Variants in DOLPP1 observed in about 807,000 individuals in gnomAD.
The protein encoded by DOLPP1 is dolichyl pyrophosphate phosphatase 1.
A neutral mutation model predicts 34.1 loss-of-function variants in DOLPP1; 15 were observed. The ratio of observed to expected loss-of-function variants is 0.44; its 90% CI spans 0.29 to 0.68. DOLPP1 has a LOEUF of 0.68. Ranked by LOEUF, DOLPP1 falls within the 30% of genes least tolerant of loss-of-function variation. The probability of loss-of-function intolerance (pLI) is 0.12; values close to 1 mark genes in which losing one functional copy is unlikely to be tolerated. For missense variants in DOLPP1, 249 were observed against 307.1 expected (o/e 0.81, Z 1.41); for synonymous variants, 130 against 128.2 (o/e 1.01, Z -0.10).
chr9:129,086,577 C>T, intron 6 of DOLPP1, 132 bp from the exon 7 acceptor site: 1 of 975,662 alleles, frequency 1.0e-6, no homozygotes, highest in Admixed American at 1.9e-5. Context: ...GCTCTGGGGT[C>T]TCAGGCCAGG....
Position 129,089,113 on chromosome 9 carries a change from G to A in DOLPP1, c.*106G>A, listed in dbSNP as rs1337434569. ...GAAGCAGAGACCTCTACAGACCCAAGTCACCAAGTGGAGCCTTTTTTTTTC... is the reference window on the plus strand; with the variant it reads ...GAAGCAGAGACCTCTACAGACCCAAATCACCAAGTGGAGCCTTTTTTTTTC... On this transcript the variant is annotated 3_prime_UTR_variant, in exon 8 of 8. Coordinates refer to ENST00000372546, the MANE Select transcript of DOLPP1 (RefSeq NM_020438.5). This position sits in a 1 kb window ranked among gnomAD's most constrained non-coding sequence, Gnocchi z 4.9. 8 of 1,141,604 alleles carry A rather than the reference G, an allele frequency of 7.0e-6. No homozygotes were observed. The highest frequency in any genetic ancestry group is 1.0e-5 in the Non-Finnish European group (8 of 776,448). 70.7% of individuals were successfully genotyped at this position (1,141,604 alleles called of 1,614,324 possible).
At chr9:129,087,436 C>G (rs1010329026) in intron 7 of DOLPP1, among the ~76,000 whole-genome samples, 1 of 152,138 alleles carries the variant, frequency 6.6e-6, no homozygotes, top group Admixed American at 6.5e-5. Context: ...CTGCCTCAGC[C>G]TCCCGAGTAG....
chr9:129,087,195 G>A (rs1304961849), intron 7 of DOLPP1, among the ~76,000 whole-genome samples: 5 of 152,204 alleles, frequency 3.3e-5, no homozygotes, highest in African/African-American at 9.7e-5. Context: ...AGGCCAGCCT[G>A]TAGTTGTGCA....
At position 129,085,829 on chromosome 9, in the gene DOLPP1, A is replaced by G. The variant is rs975783424; in HGVS notation, c.461+213A>G. Among the ~76,000 whole-genome samples the G allele has an allele frequency of 6.6e-6, 1 of 152,174 alleles. No homozygotes were observed. The highest frequency in any genetic ancestry group is 1.5e-5 in the Non-Finnish European group (1 of 68,018). ...AGCCCAAGATTCTGGGACCAACTCC[A>G]CGTATCAGCCATCTCTTCCCAGCGT... On this transcript the variant is annotated intron_variant, in intron 5 of 7. Coordinates refer to ENST00000372546, the MANE Select transcript of DOLPP1 (RefSeq NM_020438.5). The surrounding 1 kb of genome is among the most constrained non-coding windows in gnomAD (Gnocchi z 7.0).
chr9:129,089,256 GC>G lies in DOLPP1; in HGVS notation c.*253del, dbSNP rs556925299. 1.5e-4 allele frequency: 67 copies of G among 434,448 alleles called. No individual in the cohort carries two copies. The highest frequency in any genetic ancestry group is 1.1e-3 in the African/African-American group (55 of 50,634). The allele number at this position is 434,448 out of a possible 1,614,324, so 26.9% of individuals were successfully genotyped here. Reference sequence around the variant, plus strand: ...AGAGACCCTCGCTGTGCTGCTGCCAGCCCCTGGCTGGGCAGAAAGTGCCCTC... The same window carrying G: ...AGAGACCCTCGCTGTGCTGCTGCCAGCCCTGGCTGGGCAGAAAGTGCCCTC... On this transcript the variant is annotated 3_prime_UTR_variant, in exon 8 of 8. Transcript: ENST00000372546. This position sits in a 1 kb window ranked among gnomAD's most constrained non-coding sequence, Gnocchi z 4.9.
Position 129,085,482 on chromosome 9 carries a change from G to A in DOLPP1, c.363-36G>A. On this transcript the variant is annotated intron_variant, in intron 4 of 7. Transcript: ENST00000372546. The surrounding 1 kb of genome is among the most constrained non-coding windows in gnomAD (Gnocchi z 7.0). The stretch of plus-strand genomic sequence containing the variant: ...CTGTTTGGGAGGCCTGGGCTGGGCT[G>A]TGGGCTGAGGTCATCTGGTGGGCCT... 1.2e-6 allele frequency: 2 copies of A among 1,602,372 alleles called. No individual in the cohort carries two copies. Among genetic ancestry groups the A allele is most frequent in the Non-Finnish European group, 1.7e-6 (2 of 1,170,790 alleles).
chr9:129,081,185 C>T lies in DOLPP1; in HGVS notation c.54C>T (p.Leu18=). The change falls in exon 1 of 8, where the codon CTC becomes CTT. Residue 18 remains leucine (L), a synonymous_variant. Coordinates refer to ENST00000372546, the MANE Select transcript of DOLPP1 (RefSeq NM_020438.5). ...CCGCTTCATGGCGGCCGGTGACCCT[C>T]ACCCACGTCGAATATCCTGCAGGTA... ...SLPASWRPVT[L]THVEYPAGDL... 1 of 1,610,314 alleles carries T rather than the reference C, an allele frequency of 6.2e-7. No individual in the cohort carries two copies. Among genetic ancestry groups the T allele is most frequent in the Non-Finnish European group, 8.5e-7 (1 of 1,179,632 alleles).
At chr9:129,086,300 G>A in intron 6 of DOLPP1, 33 bp downstream of exon 6, 1 of 1,610,760 alleles carries the variant, frequency 6.2e-7, no homozygotes, top group Non-Finnish European at 8.5e-7. Context: ...GGCACTGTGG[G>A]CCCTGTCCCC....
chr9:129,086,931 A>AC, intron 7 of DOLPP1, 133 bp downstream of exon 7: 1 of 709,302 alleles, frequency 1.4e-6, no homozygotes. Context: ...TCCTGCTGTG[A>AC]CCCCCATTTT....
At chr9:129,087,607 C>T (rs1318479487) in intron 7 of DOLPP1, among the ~76,000 whole-genome samples, 2 of 152,080 alleles carry the variant, frequency 1.3e-5, no homozygotes, top group Admixed American at 6.5e-5. Context: ...TGAGCCACCT[C>T]GCCCGGCCGA....
Position 129,085,975 on chromosome 9 carries a change from C to T in DOLPP1, c.462-164C>T, listed in dbSNP as rs1303229683. Among the ~76,000 whole-genome samples the T allele has an allele frequency of 2.0e-5, 3 of 152,242 alleles. No individual in the cohort carries two copies. The stretch of plus-strand genomic sequence containing the variant: ...CTGTGTTTGGGGTCCAGCGCCCTCC[C>T]ACTTGGAAATGGATCTGAGGCTGTG... On this transcript the variant is annotated intron_variant, in intron 5 of 7. Transcript: ENST00000372546. The surrounding 1 kb of genome is among the most constrained non-coding windows in gnomAD (Gnocchi z 7.0).
At chr9:129,086,394 G>A (rs1846989538) in intron 6 of DOLPP1, 127 bp downstream of exon 6, 3 of 1,245,638 alleles carry the variant, frequency 2.4e-6, no homozygotes, top group Non-Finnish European at 2.2e-6. Context: ...AGTGCCCCAG[G>A]GTTTGTGGCA....
chr9:129,085,539 C>G lies in DOLPP1; in HGVS notation c.384C>G (p.Ala128=). 6.2e-7 allele frequency: 1 copy of G among 1,613,704 alleles called. No homozygotes were observed. The highest frequency in any genetic ancestry group is 8.5e-7 in the Non-Finnish European group (1 of 1,179,958). ...LYLRMHQTNN[A]RFLDLLWRHV... is the part of the protein sequence containing the mutation. ...GCAGAATGCACCAAACAAACAACGC[C>G]AGGTTCCTGGACTTGCTGTGGAGGC... Residue 128 remains alanine (A), a synonymous_variant, in exon 5 of 8, where the codon GCC becomes GCG. Coordinates refer to ENST00000372546, the MANE Select transcript of DOLPP1 (RefSeq NM_020438.5). The surrounding 1 kb of genome is among the most constrained non-coding windows in gnomAD (Gnocchi z 7.0).
Position 129,085,566 on chromosome 9 carries a change from C to T in DOLPP1, c.411C>T (p.His137=), listed in dbSNP as rs774263388. 1.5e-5 allele frequency: 25 copies of T among 1,613,510 alleles called. No homozygotes were observed. Among genetic ancestry groups the T allele is most frequent in the African/African-American group, 4.0e-5 (3 of 74,908 alleles). Residue 137 remains histidine (H), a synonymous_variant, in exon 5 of 8, where the codon CAC becomes CAT. Transcript: ENST00000372546. This position sits in a 1 kb window ranked among gnomAD's most constrained non-coding sequence, Gnocchi z 7.0. Reference sequence around the variant, plus strand: ...GGTTCCTGGACTTGCTGTGGAGGCACGTGCTCTCCCTGGGACTCCTCGCTG... The same window carrying T: ...GGTTCCTGGACTTGCTGTGGAGGCATGTGCTCTCCCTGGGACTCCTCGCTG... The part of the protein sequence containing the change: ...NARFLDLLWR[H]VLSLGLLAVA...
intron 1 of DOLPP1, among the ~76,000 whole-genome samples, chr9:129,082,021 A>G (rs1846898687): frequency 6.6e-6 from 1 of 152,248 alleles, no homozygotes; most frequent in Non-Finnish European, 1.5e-5. Flanking sequence ...ATCAAATAGC[A>G]GGAGGCACAA....
chr9:129,086,656 T>C (rs1240400543), intron 6 of DOLPP1, 53 bp from the exon 7 acceptor site: 24 of 1,540,892 alleles, frequency 1.6e-5, no homozygotes, highest in Non-Finnish European at 2.1e-5. Context: ...GCTGGCATGG[T>C]AACAGACTCA....
Position 129,085,117 on chromosome 9 carries a change from C to G in DOLPP1, c.262+10C>G. The G allele has an allele frequency of 6.2e-7, 1 of 1,602,598 alleles. No homozygotes were observed. On this transcript the variant is annotated intron_variant, in intron 3 of 7. Coordinates refer to ENST00000372546, the MANE Select transcript of DOLPP1 (RefSeq NM_020438.5). This position sits in a 1 kb window ranked among gnomAD's most constrained non-coding sequence, Gnocchi z 7.0. ...CCACGGCCCTGTGGAGGTAGGGCCT[C>G]AGCTGCGAGGGCCTGAGGTTCCCCC...
chr9:129,089,081 C>T lies in DOLPP1; in HGVS notation c.*74C>T. On this transcript the variant is annotated 3_prime_UTR_variant, in exon 8 of 8. Transcript: ENST00000372546. This position sits in a 1 kb window ranked among gnomAD's most constrained non-coding sequence, Gnocchi z 4.9. ...CTTGCAGGATGGACAGGATGACAGA[C>T]AGGGACGAAGCAGAGACCTCTACAG... 6.6e-7 allele frequency: 1 copy of T among 1,525,914 alleles called. No homozygotes were observed. Among genetic ancestry groups the T allele is most frequent in the Non-Finnish European group, 9.1e-7 (1 of 1,102,526 alleles). The allele number at this position is 1,525,914 out of a possible 1,614,324, so 94.5% of individuals were successfully genotyped here.
intron 1 of DOLPP1, among the ~76,000 whole-genome samples, chr9:129,082,919 C>T (rs1413133880): frequency 6.6e-6 from 1 of 152,208 alleles, no homozygotes. Context: ...CCCGTCAGAC[C>T]TCAAGCTCTG....
Sources: allele counts gnomAD v4.1 joint callset (sites outside exome capture counted in the v4.1 genomes callset), GRCh38; gene constraint gnomAD v4.1.1; non-coding constraint Gnocchi (gnomAD v3.1); transcripts MANE v1.5; gene names NCBI Gene and HGNC (gene_info 2026-07-23, HGNC 2026-07-21).